The following ZFAT variants were observed in gnomAD, a reference collection of about 807,000 sequenced individuals.
ZFAT encodes zinc finger protein ZFAT.
ZFAT carries 64 observed loss-of-function variants against 117.7 expected under a neutral mutation model. The observed-to-expected ratio is 0.54, with a 90% CI of 0.44 to 0.67. The LOEUF is 0.67. Ranked by LOEUF, ZFAT falls within the 30% of genes least tolerant of loss-of-function variation. ZFAT has a pLI of 0.00. For missense variants in ZFAT, 1,433 were observed against 1,584.5 expected (o/e 0.90, Z 1.62); for synonymous variants, 679 against 615.0 (o/e 1.10, Z -1.54).
At chr8:134,805,310 G>A in the ZFAT span, among the ~76,000 whole-genome samples, 1 of 152,146 alleles carries the variant, frequency 6.6e-6, no homozygotes, top group African/African-American at 2.4e-5. Flanking sequence ...CTAATGATCA[G>A]TGACCATACA....
intron 11 of ZFAT, among the ~76,000 whole-genome samples, chr8:134,559,256 T>C (rs1823882102): frequency 6.6e-6 from 1 of 152,240 alleles, no homozygotes; most frequent in African/African-American, 2.4e-5. Flanking sequence ...TCTTTGTTTA[T>C]TTTGCATGTA....
At chr8:134,831,711 C>T in the ZFAT span, among the ~76,000 whole-genome samples, 1 of 152,072 alleles carries the variant, frequency 6.6e-6, no homozygotes, top group African/African-American at 2.4e-5. Context: ...ACCTGCCTCC[C>T]GCCGCCCGCC....
chr8:134,776,510 C>G, the ZFAT span, among the ~76,000 whole-genome samples: 2 of 152,050 alleles, frequency 1.3e-5, no homozygotes, highest in Non-Finnish European at 2.9e-5. Flanking sequence ...CACCATGTTG[C>G]CGAGGCTTCG....
In ZFAT at chr8:134,602,209, C is replaced by T; in HGVS notation, c.1510G>A (p.Gly504Ser). Residue 504 changes from glycine (G) to serine (S), a missense_variant, in exon 6 of 16, where the codon GGT becomes AGT. This residue lies in a region of ZFAT where 372 missense variants were observed against 355.6 expected (regional missense o/e 1.05). Transcript: ENST00000377838. ...AGAGCTTCTTGCTGGATGTCCCCAC[C>T]AGGTTCCAGGAGGCAGAAGCTCTGG... The part of the protein sequence containing the change: ...INQSFCLLEP[G>S]GDIQQEALGD... 6.2e-7 allele frequency: 1 copy of T among 1,613,616 alleles called. No homozygotes were observed. The highest frequency in any genetic ancestry group is 8.5e-7 in the Non-Finnish European group (1 of 1,180,020).
At chr8:134,728,148 T>C in the ZFAT span, among the ~76,000 whole-genome samples, 1 of 151,858 alleles carries the variant, frequency 6.6e-6, no homozygotes. Flanking sequence ...ATTTTTTAAC[T>C]TTATGGAATA....
intron 1 of ZFAT, among the ~76,000 whole-genome samples, chr8:134,663,645 G>A (rs922577013): frequency 2.0e-5 from 3 of 152,162 alleles, no homozygotes; most frequent in African/African-American, 7.2e-5. Context: ...GGCTGAGGAA[G>A]GAGAATTGCT....
intron 10 of ZFAT, among the ~76,000 whole-genome samples, chr8:134,573,256 G>C (rs906060716): frequency 1.3e-5 from 2 of 151,976 alleles, no homozygotes; most frequent in African/African-American, 2.4e-5. Context: ...GTGCATGTGT[G>C]TGTGTGCCGT....
At chr8:134,510,500 T>C (rs1417492858) in intron 14 of ZFAT, among the ~76,000 whole-genome samples, 1 of 151,848 alleles carries the variant, frequency 6.6e-6, no homozygotes, top group African/African-American at 2.4e-5. Context: ...CCAATGCGAG[T>C]CAATCAATAA....
At chr8:134,490,994 A>G (rs1818014118) in intron 15 of ZFAT, among the ~76,000 whole-genome samples, 1 of 152,238 alleles carries the variant, frequency 6.6e-6, no homozygotes, top group Non-Finnish European at 1.5e-5. Context: ...GAGATCTTTT[A>G]GAAAGCTGCA....
intron 11 of ZFAT, among the ~76,000 whole-genome samples, chr8:134,555,174 A>G (rs1823477916): frequency 6.6e-6 from 1 of 152,238 alleles, no homozygotes; most frequent in African/African-American, 2.4e-5. Flanking sequence ...CACACAGCAC[A>G]TGCTTATCTC....
At chr8:134,818,512 G>C in the ZFAT span, among the ~76,000 whole-genome samples, 1 of 152,152 alleles carries the variant, frequency 6.6e-6, no homozygotes, top group African/African-American at 2.4e-5. Context: ...CTGCCACTTT[G>C]GAAAACCACT....
intron 13 of ZFAT, among the ~76,000 whole-genome samples, chr8:134,515,333 G>A (rs1245284732): frequency 6.6e-6 from 1 of 152,208 alleles, no homozygotes; most frequent in African/African-American, 2.4e-5. Flanking sequence ...CCAGTAATGG[G>A]ATTGCTGGGT....
chr8:134,525,778 G>A (rs1382585707), intron 12 of ZFAT, among the ~76,000 whole-genome samples: 3 of 152,302 alleles, frequency 2.0e-5, no homozygotes, highest in Admixed American at 6.5e-5. Context: ...GAAGGCGCCC[G>A]CTGTCAGCAG....
intron 1 of ZFAT, among the ~76,000 whole-genome samples, chr8:134,688,830 A>G (rs1019045326): frequency 2.6e-5 from 4 of 152,200 alleles, no homozygotes; most frequent in Non-Finnish European, 4.4e-5. Flanking sequence ...CTGCAGCCTC[A>G]GGGAACCGAG....
chr8:134,712,560 C>T (rs1397680716), intron 1 of ZFAT, among the ~76,000 whole-genome samples: 4 of 152,258 alleles, frequency 2.6e-5, no homozygotes, highest in Admixed American at 2.0e-4. Flanking sequence ...TGGCCCGCGC[C>T]CCAACGCCAC....
chr8:134,690,236 C>T (rs1432662266), intron 1 of ZFAT, among the ~76,000 whole-genome samples: 1 of 152,178 alleles, frequency 6.6e-6, no homozygotes, highest in Non-Finnish European at 1.5e-5. Context: ...CTTCCACCAC[C>T]CCCAAACTCT....
Position 134,600,479 on chromosome 8 carries a change from T to C in ZFAT, c.2432A>G (p.Asp811Gly). 6.2e-7 allele frequency: 1 copy of C among 1,614,266 alleles called. No individual in the cohort carries two copies. Among genetic ancestry groups the C allele is most frequent in the Non-Finnish European group, 8.5e-7 (1 of 1,180,044 alleles). ...AAGATGTGCCTGTAGCTTATATTTA[T>C]CTGGAGTTGAGTAGTCACAGCCATC... ...PTDGCDYSTP[D>G]KYKLQAHLKV... Residue 811 changes from aspartate to glycine, a missense_variant, in exon 7 of 16, where the codon GAT becomes GGT. Around this residue, in one of 5 missense-constraint regions of ZFAT, gnomAD observed 49 missense variants for 81.5 expected, o/e 0.60. Coordinates refer to ENST00000377838, the MANE Select transcript of ZFAT (RefSeq NM_020863.4).
intron 1 of ZFAT, among the ~76,000 whole-genome samples, chr8:134,689,058 C>T (rs777949104): frequency 3.3e-5 from 5 of 152,202 alleles, no homozygotes; most frequent in African/African-American, 4.8e-5. Context: ...CAGGATTCAA[C>T]TCCAGACCTG....
intron 1 of ZFAT, among the ~76,000 whole-genome samples, chr8:134,696,710 A>T (rs1254115895): frequency 1.3e-5 from 2 of 152,202 alleles, no homozygotes; most frequent in Non-Finnish European, 2.9e-5. Flanking sequence ...CACCATCCAC[A>T]GACCAACCAG....
Sources: gnomAD v4.1 joint callset for allele counts (sites outside exome capture counted in the v4.1 genomes callset) on GRCh38, gnomAD v4.1.1 for gene constraint, gnomAD v4.1.1 regional missense constraint, MANE v1.5 for transcripts, NCBI Gene and HGNC (gene_info 2026-07-23, HGNC 2026-07-21) for gene names.